The following CTNND2 variants were observed in gnomAD, a reference collection of about 807,000 sequenced individuals.
CTNND2 encodes catenin delta-2.
Under a neutral mutation model 144.4 loss-of-function variants are expected in CTNND2, and 22 were observed. The ratio of observed to expected loss-of-function variants is 0.15; its 90% CI spans 0.11 to 0.22. CTNND2 has a LOEUF of 0.22. Ranked by LOEUF, CTNND2 falls within the 10% of genes least tolerant of loss-of-function variation. The pLI is 1.00. For synonymous variants in CTNND2, 751 were observed against 695.6 expected (o/e 1.08, Z -1.25); for missense variants, 1,353 against 1,618.8 (o/e 0.84, Z 2.82).
chr5:11,147,643 A>G (rs867091377), intron 12 of CTNND2, among the ~76,000 whole-genome samples: 4 of 146,404 alleles, frequency 2.7e-5, no homozygotes, highest in Non-Finnish European at 3.0e-5. Context: ...ACAGATGGCC[A>G]TAATAATTCA....
At chr5:11,512,897 C>A (rs955648979) in intron 3 of CTNND2, among the ~76,000 whole-genome samples, 1 of 152,192 alleles carries the variant, frequency 6.6e-6, no homozygotes, top group Non-Finnish European at 1.5e-5. Flanking sequence ...ACTACACATC[C>A]ACTCAAGTAT....
chr5:11,450,274 A>C (rs1479853762), intron 3 of CTNND2, among the ~76,000 whole-genome samples: 2 of 152,220 alleles, frequency 1.3e-5, no homozygotes, highest in Non-Finnish European at 2.9e-5. Context: ...TCTATCATAA[A>C]ATCTATAGAA....
intron 2 of CTNND2, among the ~76,000 whole-genome samples, chr5:11,575,815 G>A (rs1777931857): frequency 6.6e-6 from 1 of 151,792 alleles, no homozygotes. Flanking sequence ...TTTCCTCTGT[G>A]GCTGTCTCTT....
At chr5:11,091,868 C>CGG (rs1750808394) in intron 15 of CTNND2, among the ~76,000 whole-genome samples, 1 of 152,204 alleles carries the variant, frequency 6.6e-6, no homozygotes, top group African/African-American at 2.4e-5. Flanking sequence ...GTATTTGCCT[C>CGG]AGACACATGT....
rs147700346 is a variant in CTNND2, at chr5:11,252,372, G to C, written c.1629-15549C>G. 7.2e-4 allele frequency among the ~76,000 whole-genome samples: 110 copies of C among 151,986 alleles called. 1 individual carries two copies. The East Asian group carries it at 0.019, about 26-fold the overall frequency. Reference sequence around the variant, plus strand: ...CACTGCAGTGATCAGAAACTGGGGTGGGGGGGAGATTATACCTTAGTTCTA... The same window carrying C: ...CACTGCAGTGATCAGAAACTGGGGTCGGGGGGAGATTATACCTTAGTTCTA... On this transcript the variant is annotated intron_variant, in intron 9 of 21. Coordinates refer to ENST00000304623, the MANE Select transcript of CTNND2 (RefSeq NM_001332.4).
chr5:11,484,448 T>C (rs1268343905), intron 3 of CTNND2, among the ~76,000 whole-genome samples: 1 of 152,200 alleles, frequency 6.6e-6, no homozygotes, highest in African/African-American at 2.4e-5. Context: ...TTCTGTCACA[T>C]AAATGTGCTG....
intron 16 of CTNND2, among the ~76,000 whole-genome samples, chr5:11,043,161 G>C (rs1338725946): frequency 1.3e-5 from 2 of 151,512 alleles, no homozygotes; most frequent in Non-Finnish European, 2.9e-5. Context: ...TATTTCAAGA[G>C]AAATAACATG....
chr5:11,146,826 A>G (rs1439901747), intron 12 of CTNND2, among the ~76,000 whole-genome samples: 3 of 152,222 alleles, frequency 2.0e-5, no homozygotes, highest in African/African-American at 2.4e-5. Context: ...CAGAATTATC[A>G]GCAACACACA....
intron 3 of CTNND2, among the ~76,000 whole-genome samples, chr5:11,444,960 G>A (rs1764673491): frequency 6.6e-6 from 1 of 152,164 alleles, no homozygotes; most frequent in Non-Finnish European, 1.5e-5. Flanking sequence ...CCGAGTGAGT[G>A]TGAGGGGCTT....
intron 10 of CTNND2, among the ~76,000 whole-genome samples, chr5:11,229,804 TAC>T (rs893651169): frequency 5.5e-4 from 83 of 151,990 alleles, no homozygotes; most frequent in African/African-American, 1.9e-3. Flanking sequence ...ACTGTGTACA[TAC>T]ACACATATAT....
At chr5:11,284,087 C>T (rs996505171) in intron 9 of CTNND2, among the ~76,000 whole-genome samples, 12 of 152,226 alleles carry the variant, frequency 7.9e-5, no homozygotes, top group East Asian at 1.9e-4. Context: ...GTGGGCTTCA[C>T]GCTCCTCTCT....
intron 2 of CTNND2, among the ~76,000 whole-genome samples, chr5:11,618,898 G>A (rs1780703024): frequency 6.6e-6 from 1 of 151,956 alleles, no homozygotes; most frequent in Admixed American, 6.6e-5. Context: ...TACATTTGAG[G>A]AAACATAATT....
Position 11,798,753 on chromosome 5 carries a change from G to A in CTNND2, c.38-66481C>T, listed in dbSNP as rs1443955533. ...CTGCACTCTAGCCTGGGGACAGAGTGAGACTCCGTCTCCAAACAAAAAAAG... is the reference window on the plus strand; with the variant it reads ...CTGCACTCTAGCCTGGGGACAGAGTAAGACTCCGTCTCCAAACAAAAAAAG... On this transcript the variant is annotated intron_variant, in intron 1 of 21. Transcript: ENST00000304623. 2.6e-5 allele frequency among the ~76,000 whole-genome samples: 4 copies of A among 152,240 alleles called. No homozygotes were observed. In the South Asian group the frequency reaches 8.3e-4, roughly 32 times the overall value.
chr5:11,826,604 A>G (rs1793617998), intron 1 of CTNND2, among the ~76,000 whole-genome samples: 1 of 152,056 alleles, frequency 6.6e-6, no homozygotes, highest in Non-Finnish European at 1.5e-5. Context: ...TATGGTCAAC[A>G]TAAAGCCAAA....
chr5:11,317,937 G>A (rs574817222), intron 9 of CTNND2, among the ~76,000 whole-genome samples: 3 of 152,306 alleles, frequency 2.0e-5, no homozygotes, highest in East Asian at 3.9e-4. Context: ...ATAGTATCTG[G>A]ATTTTTATGC....
intron 1 of CTNND2, among the ~76,000 whole-genome samples, chr5:11,813,690 T>A (rs1341332997): frequency 6.6e-6 from 1 of 152,184 alleles, no homozygotes; most frequent in Non-Finnish European, 1.5e-5. Context: ...ATTTAGAAAT[T>A]TTTTGTAGAG....
At chr5:11,520,866 A>T (rs947372513) in intron 3 of CTNND2, among the ~76,000 whole-genome samples, 1 of 152,250 alleles carries the variant, frequency 6.6e-6, no homozygotes, top group Non-Finnish European at 1.5e-5. Context: ...TAATATAGTC[A>T]GGATCTCTGT....
intron 2 of CTNND2, among the ~76,000 whole-genome samples, chr5:11,637,098 T>A (rs992482950): frequency 2.6e-5 from 4 of 152,194 alleles, no homozygotes; most frequent in Admixed American, 2.6e-4. Context: ...GCCATTTCAT[T>A]TAGTAATTAT....
intron 16 of CTNND2, among the ~76,000 whole-genome samples, chr5:11,026,520 G>T (rs1199903981): frequency 6.6e-6 from 1 of 151,750 alleles, no homozygotes; most frequent in Non-Finnish European, 1.5e-5. Flanking sequence ...ACCACACCTG[G>T]CTACCTTTTG....
Sources: allele counts gnomAD v4.1 joint callset (sites outside exome capture counted in the v4.1 genomes callset), GRCh38; gene constraint gnomAD v4.1.1; transcripts MANE v1.5; gene names NCBI Gene and HGNC (gene_info 2026-07-23, HGNC 2026-07-21).